Variants in PLXNC1 observed in about 807,000 individuals in gnomAD.
PLXNC1 encodes plexin-C1.
PLXNC1 carries 75 observed loss-of-function variants against 178.2 expected under a neutral mutation model. The ratio of observed to expected loss-of-function variants is 0.42; its 90% confidence interval spans 0.35 to 0.51. The LOEUF (loss-of-function observed/expected upper bound fraction) is 0.51. Among genes scored for constraint, PLXNC1 ranks in the 20% least tolerant of loss-of-function variants. The pLI is 0.02. For synonymous variants in PLXNC1, 790 were observed against 779.9 expected, an observed-to-expected ratio of 1.01 and a Z score of -0.22; for missense variants, 1,503 against 1,984.4, an observed-to-expected ratio of 0.76 and a Z score of 4.61.
chr12:94,283,019 C>T (rs1441923675), intron 23 of PLXNC1, among the ~76,000 whole-genome samples: 1 of 152,184 alleles, frequency 6.6e-6, no homozygotes, highest in Non-Finnish European at 1.5e-5. Flanking sequence ...CACTGGGATA[C>T]TGGGGTTCAC....
At chr12:94,274,528 A>G (rs1188776940) in intron 21 of PLXNC1, among the ~76,000 whole-genome samples, 3 of 152,190 alleles carry the variant, frequency 2.0e-5, no homozygotes, top group African/African-American at 7.2e-5. Flanking sequence ...CAGATCTGCC[A>G]CCGCAGCTTA....
At chr12:94,288,273 C>T (rs1335638940) in intron 23 of PLXNC1, among the ~76,000 whole-genome samples, 2 of 152,192 alleles carry the variant, frequency 1.3e-5, no homozygotes, top group African/African-American at 4.8e-5. Flanking sequence ...TTTTGGCCAG[C>T]AGTCCGTGAA....
At chr12:94,275,301 A>G (rs1342107125) in intron 21 of PLXNC1, among the ~76,000 whole-genome samples, 1 of 152,216 alleles carries the variant, frequency 6.6e-6, no homozygotes, top group East Asian at 1.9e-4. Flanking sequence ...CAGCCCTAAT[A>G]CTAAATAGGG....
intron 2 of PLXNC1, among the ~76,000 whole-genome samples, 171 bp from the exon 3 acceptor site, chr12:94,181,275 C>G (rs932133910): frequency 6.6e-6 from 1 of 151,716 alleles, no homozygotes; most frequent in Admixed American, 6.6e-5. Context: ...ATAGTCCCAG[C>G]TACTTGGGAG....
chr12:94,264,979 C>A (rs1034446472), intron 20 of PLXNC1, 100 bp from the exon 21 acceptor site: 32 of 1,196,904 alleles, frequency 2.7e-5, no homozygotes, highest in Non-Finnish European at 3.4e-5. Flanking sequence ...GTTAGAAAAC[C>A]CTGTCTCCTG....
chr12:94,185,746 C>T (rs891016459), intron 3 of PLXNC1, among the ~76,000 whole-genome samples: 2 of 152,230 alleles, frequency 1.3e-5, no homozygotes, highest in Non-Finnish European at 1.5e-5. Flanking sequence ...CCCTGGTCCT[C>T]CTCGTTTCCA....
At chr12:94,245,222 C>A (rs1226548806) in intron 12 of PLXNC1, among the ~76,000 whole-genome samples, 1 of 152,238 alleles carries the variant, frequency 6.6e-6, no homozygotes, top group Non-Finnish European at 1.5e-5. Flanking sequence ...GAGGCATTAC[C>A]TGAGTTTGTC....
At chr12:94,155,814 G>A (rs1034915830) in intron 1 of PLXNC1, among the ~76,000 whole-genome samples, 1 of 152,200 alleles carries the variant, frequency 6.6e-6, no homozygotes, top group Admixed American at 6.5e-5. Flanking sequence ...CTCTCCAAGG[G>A]TCCATTCTTT....
intron 4 of PLXNC1, 191 bp downstream of exon 4, chr12:94,186,664 A>G (rs975192920): frequency 9.8e-6 from 5 of 507,928 alleles, no homozygotes; most frequent in Non-Finnish European, 1.8e-5. Flanking sequence ...CTATGCAATC[A>G]CTGGACCCGG....
intron 9 of PLXNC1, among the ~76,000 whole-genome samples, chr12:94,230,309 C>T (rs1280846156): frequency 6.6e-6 from 1 of 152,136 alleles, no homozygotes; most frequent in Non-Finnish European, 1.5e-5. Context: ...AGTCGTGGTC[C>T]AGGCAGCGGC....
intron 24 of PLXNC1, among the ~76,000 whole-genome samples, chr12:94,296,978 C>T (rs1967987239): frequency 6.6e-6 from 1 of 152,170 alleles, no homozygotes; most frequent in Non-Finnish European, 1.5e-5. Context: ...AATCTACTTC[C>T]TCCTCCAATC....
At chr12:94,161,824 A>T (rs1961395316) in intron 1 of PLXNC1, among the ~76,000 whole-genome samples, 1 of 152,204 alleles carries the variant, frequency 6.6e-6, no homozygotes, top group Non-Finnish European at 1.5e-5. Flanking sequence ...AAGGCCCAGT[A>T]TTTACAAGGG....
chr12:94,286,413 T>C (rs761170750), intron 23 of PLXNC1, among the ~76,000 whole-genome samples: 2 of 152,114 alleles, frequency 1.3e-5, no homozygotes, highest in African/African-American at 4.8e-5. Flanking sequence ...CCTACATCTA[T>C]ATTTGATTAA....
intron 7 of PLXNC1, among the ~76,000 whole-genome samples, chr12:94,225,724 A>T (rs1175445660): frequency 6.6e-6 from 1 of 152,154 alleles, no homozygotes; most frequent in Admixed American, 6.5e-5. Context: ...TTCCATAGGT[A>T]ACTGCTTCCT....
Position 94,149,940 on chromosome 12 carries a change from C to G in PLXNC1, c.969C>G (p.Pro323=), listed in dbSNP as rs527239425. 1.9e-6 allele frequency: 3 copies of G among 1,586,996 alleles called. No homozygotes were observed. Among genetic ancestry groups the G allele is most frequent in the South Asian group, 2.3e-5 (2 of 87,512 alleles). Residue 323 remains proline (P), a synonymous_variant, in exon 1 of 31, where the codon CCC becomes CCG. Coordinates refer to ENST00000258526, the MANE Select transcript of PLXNC1 (RefSeq NM_005761.3). The part of the protein sequence containing the change: ...AAGEGQERRS[P]TTTALCLFRM... ...GAGAGGGCCAGGAGCGGCGCTCCCC[C>G]ACCACCACGGCGCTCTGCCTCTTCA...
At chr12:94,221,449 G>A (rs1963793427) in intron 6 of PLXNC1, among the ~76,000 whole-genome samples, 1 of 152,162 alleles carries the variant, frequency 6.6e-6, no homozygotes, top group South Asian at 2.1e-4. Context: ...TAGATGGTCA[G>A]TAGGTACGGT....
At chr12:94,293,295 C>T (rs1345475271) in intron 23 of PLXNC1, among the ~76,000 whole-genome samples, 1 of 152,164 alleles carries the variant, frequency 6.6e-6, no homozygotes, top group Non-Finnish European at 1.5e-5. Flanking sequence ...AGGATTTATA[C>T]TTATTTCTGT....
intron 10 of PLXNC1, among the ~76,000 whole-genome samples, chr12:94,238,377 G>A (rs1345805323): frequency 7.9e-5 from 12 of 152,028 alleles, no homozygotes; most frequent in Admixed American, 7.2e-4. Flanking sequence ...TGTATCTCTT[G>A]AACATTATTA....
chr12:94,171,261 T>C (rs1961833398), intron 2 of PLXNC1, among the ~76,000 whole-genome samples: 1 of 152,184 alleles, frequency 6.6e-6, no homozygotes, highest in African/African-American at 2.4e-5. Flanking sequence ...GACCGAAGTC[T>C]CGCTCTCCTC....
Sources: allele counts gnomAD v4.1 joint callset (sites outside exome capture counted in the v4.1 genomes callset), GRCh38; gene constraint gnomAD v4.1.1; transcripts MANE v1.5; gene names NCBI Gene and HGNC (gene_info 2026-07-23, HGNC 2026-07-21).